Variants in PDCD1 observed in about 807,000 individuals in gnomAD.
PDCD1 encodes the protein programmed cell death 1.
In PDCD1, 10 loss-of-function variants were observed where a neutral mutation model predicts 23.6. The observed-to-expected ratio is 0.42, with a 90% CI of 0.26 to 0.72. The LOEUF is 0.72. Among genes scored for constraint, PDCD1 ranks in the 30% least tolerant of loss-of-function variants. PDCD1 has a pLI of 0.24. For missense variants in PDCD1, 313 were observed against 397.8 expected, an observed-to-expected ratio of 0.79 and a Z score of 1.81; for synonymous variants, 168 against 169.3, an observed-to-expected ratio of 0.99 and a Z score of 0.06.
At chr2:241,856,390 G>A (rs1016521134) in intron 1 of PDCD1, among the ~76,000 whole-genome samples, 1 of 152,240 alleles carries the variant, frequency 6.6e-6, no homozygotes, top group East Asian at 1.9e-4. Flanking sequence ...AGCTCCAGCC[G>A]CCCAGTCCCC....
Position 241,852,188 on chromosome 2 carries a change from A to T in PDCD1, c.592+10T>A. The T allele has an allele frequency of 6.2e-7, 1 of 1,605,644 alleles. No homozygotes were observed. Among genetic ancestry groups the T allele is most frequent in the Non-Finnish European group, 8.5e-7 (1 of 1,177,896 alleles). On this transcript the variant is annotated intron_variant, in intron 3 of 4. Transcript: ENST00000334409. ...GGGCAGGGCAGGCCGAGGGGCTGGG[A>T]TGACGTTACCTCGTGCGGCCCGGGA...
chr2:241,855,214 G>A (rs116529638), intron 1 of PDCD1, among the ~76,000 whole-genome samples: 1 of 151,820 alleles, frequency 6.6e-6, no homozygotes, highest in Non-Finnish European at 1.5e-5. Context: ...TGGGTGGGGT[G>A]GGGGCTAGAC....
chr2:241,857,691 C>T (rs372200316), intron 1 of PDCD1, among the ~76,000 whole-genome samples: 3 of 152,166 alleles, frequency 2.0e-5, no homozygotes, highest in East Asian at 1.9e-4. Context: ...CCTCAGGTGC[C>T]GGGGAGCAGG....
At chr2:241,858,674 C>T in intron 1 of PDCD1, 89 bp downstream of exon 1, 2 of 1,201,112 alleles carry the variant, frequency 1.7e-6, no homozygotes, top group South Asian at 1.3e-5. Flanking sequence ...CCAGGCCCGC[C>T]TCAGCACCCC....
rs773116311 is a variant in PDCD1 at position 241,852,611 on chromosome 2, G to C, written c.436+10C>G. 6.2e-7 allele frequency: 1 copy of C among 1,606,474 alleles called. No homozygotes were observed. The highest frequency in any genetic ancestry group is 1.7e-5 in the Admixed American group (1 of 59,862). On this transcript the variant is annotated intron_variant, in intron 2 of 4. Coordinates refer to ENST00000334409, the MANE Select transcript of PDCD1 (RefSeq NM_005018.3). ...AGCTCACCCCTGCCCCGGGGCCTCC[G>C]AGGCCGCACCTGTCACCCTGAGCTC...
intron 1 of PDCD1, among the ~76,000 whole-genome samples, chr2:241,853,455 T>C (rs994764590): frequency 1.3e-5 from 2 of 152,266 alleles, no homozygotes; most frequent in Non-Finnish European, 2.9e-5. Flanking sequence ...GTCCAGTCTT[T>C]GCCCCCTTTT....
At position 241,852,025 on chromosome 2, in the gene PDCD1, C is replaced by G. The variant is rs372122251; in HGVS notation, c.593-42G>C. ...TTGGGGTCACCAGGCCGACCCTGAG[C>G]CGTGCTCCTAGGTGGGGGGTCTTAG... is the stretch of plus-strand genomic sequence containing the variant. On this transcript the variant is annotated intron_variant, in intron 3 of 4. Coordinates refer to ENST00000334409, the MANE Select transcript of PDCD1 (RefSeq NM_005018.3). 32 of 1,598,494 alleles carry G rather than the reference C, an allele frequency of 2.0e-5. No individual in the cohort carries two copies. The African/African-American group carries it at 2.9e-4, about 14-fold the overall frequency.
At chr2:241,856,822 G>A (rs1412039957) in intron 1 of PDCD1, among the ~76,000 whole-genome samples, 1 of 152,200 alleles carries the variant, frequency 6.6e-6, no homozygotes, top group Non-Finnish European at 1.5e-5. Flanking sequence ...GTCACTAAAA[G>A]AAACAAACAA....
rs770113678 is a variant in PDCD1 at position 241,852,301 on chromosome 2, G to A, written c.489C>T (p.Ala163=). The change falls in exon 3 of 5, where the codon GCC becomes GCT. Residue 163 remains alanine (A), a synonymous_variant. Transcript: ENST00000334409. ...TAHPSPSPRP[A]GQFQTLVVGV... ...CAACCACCAGGGTTTGGAACTGGCCGGCTGGCCTGGGTGAGGGGCTGGGGT... is the reference window on the plus strand; with the variant it reads ...CAACCACCAGGGTTTGGAACTGGCCAGCTGGCCTGGGTGAGGGGCTGGGGT... 8 of 1,611,024 alleles carry A rather than the reference G, an allele frequency of 5.0e-6. No individual in the cohort carries two copies. Among genetic ancestry groups the A allele is most frequent in the African/African-American group, 2.7e-5 (2 of 74,846 alleles).
chr2:241,855,249 C>A (rs1486964953), intron 1 of PDCD1, among the ~76,000 whole-genome samples: 3 of 151,954 alleles, frequency 2.0e-5, no homozygotes, highest in Non-Finnish European at 2.9e-5. Flanking sequence ...TTCAAGCAGC[C>A]CCCTCTCCCA....
chr2:241,854,050 G>A (rs1278708529), intron 1 of PDCD1, among the ~76,000 whole-genome samples: 1 of 152,224 alleles, frequency 6.6e-6, no homozygotes, highest in African/African-American at 2.4e-5. Context: ...GGGGGCTGCT[G>A]CCCTCGTGTC....
intron 2 of PDCD1, 60 bp downstream of exon 2, chr2:241,852,561 G>A (rs1700925052): frequency 2.5e-6 from 4 of 1,573,106 alleles, no homozygotes; most frequent in Non-Finnish European, 3.4e-6. Flanking sequence ...TGTGCAGGAG[G>A]GGACACCCAC....
At chr2:241,851,749 C>A (rs879113628) in intron 4 of PDCD1, among the ~76,000 whole-genome samples, 200 bp downstream of exon 4, 1 of 152,098 alleles carries the variant, frequency 6.6e-6, no homozygotes, top group Non-Finnish European at 1.5e-5. Context: ...GGGCCGGGCA[C>A]CCCCGGAGAC....
At chr2:241,855,927 AC>A (rs1169233359) in intron 1 of PDCD1, among the ~76,000 whole-genome samples, 1 of 152,068 alleles carries the variant, frequency 6.6e-6, no homozygotes, top group Non-Finnish European at 1.5e-5. Context: ...GGAAGTCCTA[AC>A]CCCATGACCT....
At chr2:241,855,098 G>C (rs1162473270) in intron 1 of PDCD1, among the ~76,000 whole-genome samples, 1 of 152,194 alleles carries the variant, frequency 6.6e-6, no homozygotes, top group Non-Finnish European at 1.5e-5. Context: ...CTCAAGCCAG[G>C]ACCCTGGGCT....
Position 241,858,862 on chromosome 2 carries a change from G to A in PDCD1, c.-24C>T. On this transcript the variant is annotated 5_prime_UTR_variant, in exon 1 of 5. Coordinates refer to ENST00000334409, the MANE Select transcript of PDCD1 (RefSeq NM_005018.3). ...ATGCCTGGAGCAGCCCCACCAGAGT[G>A]CCGCCTTCTCCACTGCTCAGGCGGA... The A allele has an allele frequency of 6.4e-7, 1 of 1,554,028 alleles. No homozygotes were observed. The highest frequency in any genetic ancestry group is 8.7e-7 in the Non-Finnish European group (1 of 1,146,916).
intron 1 of PDCD1, among the ~76,000 whole-genome samples, chr2:241,856,356 C>T (rs554694096): frequency 6.6e-6 from 1 of 152,354 alleles, no homozygotes; most frequent in Admixed American, 6.5e-5. Context: ...AAAAGCCACT[C>T]GGTCGGCGGA....
Position 241,852,212 on chromosome 2 carries a change from G to T in PDCD1, c.578C>A (p.Ser193Tyr), listed in dbSNP as rs770020786. The T allele has an allele frequency of 1.9e-6, 3 of 1,610,184 alleles. No homozygotes were observed. The highest frequency in any genetic ancestry group is 1.3e-5 in the African/African-American group (1 of 74,992). Residue 193 changes from serine to tyrosine, a missense_variant, in exon 3 of 5, where the codon TCC becomes TAC. Physicochemically the swap from Ser to Tyr is moderately radical, Grantham distance 144. Transcript: ENST00000334409. ...LLVWVLAVIC[S>Y]RAARGTIGAR... ...GATGACGTTACCTCGTGCGGCCCGG[G>T]AGCAGATGACGGCCAGGACCCAGAC...
rs554459879 is a variant in PDCD1 at position 241,850,046 on chromosome 2, C to T, written c.*1012G>A. The stretch of plus-strand genomic sequence containing the variant: ...GTGGATGTGAGGAGTGGATAGGCCA[C>T]GGCGGGGGTACTAGGCCCCGGGGGA... On this transcript the variant is annotated 3_prime_UTR_variant, in exon 5 of 5. Coordinates refer to ENST00000334409, the MANE Select transcript of PDCD1 (RefSeq NM_005018.3). The T allele has an allele frequency of 4.8e-5, 11 of 228,096 alleles. No homozygotes were observed. Among genetic ancestry groups the T allele is most frequent in the African/African-American group, 8.9e-5 (4 of 45,062 alleles). The allele number at this position is 228,096 out of a possible 1,614,324, so 14.1% of individuals were successfully genotyped here.
Sources: gnomAD v4.1 joint callset for allele counts (sites outside exome capture counted in the v4.1 genomes callset) on GRCh38, gnomAD v4.1.1 for gene constraint, MANE v1.5 for transcripts, NCBI Gene and HGNC (gene_info 2026-07-23, HGNC 2026-07-21) for gene names.